The following ERICH3 variants were observed in gnomAD, a reference collection of about 807,000 sequenced individuals.
The protein encoded by ERICH3 is glutamate-rich protein 3.
Under a neutral mutation model 131.1 loss-of-function variants are expected in ERICH3, and 126 were observed. The observed-to-expected ratio is 0.96, with a 90% CI of 0.83 to 1.11. The LOEUF (loss-of-function observed/expected upper bound fraction) is 1.11. ERICH3 is among the 50% of genes most tolerant of loss of function. ERICH3 has a pLI of 0.00. For missense variants in ERICH3, 2,050 were observed against 1,810.7 expected (o/e 1.13, Z -2.40); for synonymous variants, 695 against 644.6 (o/e 1.08, Z -1.18).
chr1:74,594,683 T>G (rs1647766385), intron 11 of ERICH3, among the ~76,000 whole-genome samples: 1 of 152,148 alleles, frequency 6.6e-6, no homozygotes, highest in South Asian at 2.1e-4. Flanking sequence ...ATTGGTTCAC[T>G]CTAACAGTGA....
intron 5 of ERICH3, among the ~76,000 whole-genome samples, chr1:74,641,023 G>A (rs937336038): frequency 1.3e-5 from 2 of 152,104 alleles, no homozygotes; most frequent in African/African-American, 4.8e-5. Context: ...TGTCACCTGA[G>A]AGTCTGAGCT....
In ERICH3 at chr1:74,584,752, G is replaced by A. The variant is rs535520732; in HGVS notation, c.2176+4879C>T. Among the ~76,000 whole-genome samples, 8 of 152,216 alleles carry A rather than the reference G, an allele frequency of 5.3e-5. No homozygotes were observed. In the South Asian group the frequency reaches 1.7e-3, roughly 32 times the overall value. On this transcript the variant is annotated intron_variant, in intron 12 of 14. Transcript: ENST00000326665. ...CTCTCCTAGAATATAAAATTCATGT[G>A]GAAAGGGACTCTTATGTTCACATTG...
At position 74,571,788 on chromosome 1, in the gene ERICH3, C is replaced by T. The variant is rs1260525768; in HGVS notation, c.3922G>A (p.Ala1308Thr). 15 of 1,613,864 alleles carry T rather than the reference C, an allele frequency of 9.3e-6. No homozygotes were observed. Among genetic ancestry groups the T allele is most frequent in the Non-Finnish European group, 1.3e-5 (15 of 1,180,044 alleles). The change falls in exon 14 of 15, where the codon GCG (alanine) becomes ACG (threonine). Residue 1308 changes from alanine to threonine, a missense_variant. Ala to Thr is a moderately conservative substitution (Grantham distance 58). Transcript: ENST00000326665. ...EDKECTLETE[A>T]MQDRNSEGDG... ...CCTTCCGAGTTCCTGTCCTGCATCGCTTCTGTCTCCAGAGTGCACTCTTTG... is the reference window on the plus strand; with the variant it reads ...CCTTCCGAGTTCCTGTCCTGCATCGTTTCTGTCTCCAGAGTGCACTCTTTG...
At position 74,568,159 on chromosome 1, in the gene ERICH3, AAAC is replaced by A. The variant is rs1280343098; in HGVS notation, c.*2296_*2298del. ...TATGTTTTAATAATGAAGAAACAGG[AAAC>A]AAACCATTTCAGGGGAACATACAAG... On this transcript the variant is annotated 3_prime_UTR_variant, in exon 15 of 15. Transcript: ENST00000326665. 6.6e-6 allele frequency: 1 copy of A among 152,170 alleles called. No individual in the cohort carries two copies. Among genetic ancestry groups the A allele is most frequent in the East Asian group, 1.9e-4 (1 of 5,196 alleles). 9.4% of individuals were successfully genotyped at this position (152,170 alleles called of 1,614,324 possible). A position where few individuals can be genotyped will look rare whatever the true frequency, so the allele number is the denominator to read the frequency against.
rs1007779353 is a variant in ERICH3 at position 74,671,381 on chromosome 1, C to G, written c.23+2116G>C. ...CCCTTTGAAGCATATGATCTTTGTA[C>G]CTACTGTCTGTTATTACACCCCCTT... is the stretch of plus-strand genomic sequence containing the variant. On this transcript the variant is annotated intron_variant, in intron 1 of 14. Transcript: ENST00000326665. 2.6e-5 allele frequency among the ~76,000 whole-genome samples: 4 copies of G among 152,114 alleles called. No homozygotes were observed. In the South Asian group the frequency reaches 8.3e-4, roughly 32 times the overall value.
At position 74,642,899 on chromosome 1, in the gene ERICH3, A is replaced by G. The variant is rs1169146349; in HGVS notation, c.315+128T>C. 2.0e-5 allele frequency: 13 copies of G among 651,090 alleles called. No individual in the cohort carries two copies. In the East Asian group the frequency reaches 3.1e-4, roughly 16 times the overall value. The allele number at this position is 651,090 out of a possible 1,614,324, so 40.3% of individuals were successfully genotyped here. On this transcript the variant is annotated intron_variant, in intron 4 of 14. Coordinates refer to ENST00000326665, the MANE Select transcript of ERICH3 (RefSeq NM_001002912.5). ...GGCTAAGATTTAGGCTTGGTGAACCATCATTGACTTCAACTATGTTTTAAC... is the reference window on the plus strand; with the variant it reads ...GGCTAAGATTTAGGCTTGGTGAACCGTCATTGACTTCAACTATGTTTTAAC...
chr1:74,646,673 A>G lies in ERICH3; in HGVS notation c.237T>C (p.Asp79=). 7.4e-7 allele frequency: 1 copy of G among 1,351,784 alleles called. No homozygotes were observed. Among genetic ancestry groups the G allele is most frequent in the Non-Finnish European group, 1.0e-6 (1 of 990,362 alleles). The allele number at this position is 1,351,784 out of a possible 1,614,324, so 83.7% of individuals were successfully genotyped here. A position where few individuals can be genotyped will look rare whatever the true frequency, so the allele number is the denominator to read the frequency against. Residue 79 remains aspartate, a synonymous_variant, in exon 3 of 15, where the codon GAT becomes GAC. Coordinates refer to ENST00000326665, the MANE Select transcript of ERICH3 (RefSeq NM_001002912.5). ...LAQAIFHKVL[D]MERYHQLEIK... ...AATAAGTATATATTTTTACCTCCATATCAAGAACTTTATGAAAAATTGCCT... is the reference window on the plus strand; with the variant it reads ...AATAAGTATATATTTTTACCTCCATGTCAAGAACTTTATGAAAAATTGCCT...
intron 11 of ERICH3, among the ~76,000 whole-genome samples, chr1:74,596,323 TC>T (rs140306141): frequency 0.019 from 2,830 of 152,192 alleles, 74 homozygotes; most frequent in African/African-American, 0.064. Flanking sequence ...GTCTTTTTTT[TC>T]ATTACTAATT....
chr1:74,645,906 C>G (rs1646478835), intron 3 of ERICH3, among the ~76,000 whole-genome samples: 1 of 152,050 alleles, frequency 6.6e-6, no homozygotes, highest in African/African-American at 2.4e-5. Context: ...TTACTGCACT[C>G]ACAGGTCAAT....
Position 74,620,794 on chromosome 1 carries a change from A to G in ERICH3, c.940T>C (p.Tyr314His). The change falls in exon 8 of 15, where the codon TAT (tyrosine) becomes CAT (histidine). Residue 314 changes from tyrosine to histidine, a missense_variant. By Grantham distance (83) the Tyr-to-His change is moderately conservative. Coordinates refer to ENST00000326665, the MANE Select transcript of ERICH3 (RefSeq NM_001002912.5). Reference sequence around the variant, plus strand: ...TTTTCCCCACCACAGTGCTGCTGATAAACTTTAATTTCATCCCGGAAGTCA... The same window carrying G: ...TTTTCCCCACCACAGTGCTGCTGATGAACTTTAATTTCATCCCGGAAGTCA... Reference protein sequence around the residue: ...NPDFRDEIKVYQQHCGGENLC... With the variant: ...NPDFRDEIKVHQQHCGGENLC... The G allele has an allele frequency of 6.2e-7, 1 of 1,613,530 alleles. No homozygotes were observed. The highest frequency in any genetic ancestry group is 1.1e-5 in the South Asian group (1 of 91,014).
chr1:74,584,693 T>C (rs747038065), intron 12 of ERICH3, among the ~76,000 whole-genome samples: 17 of 152,132 alleles, frequency 1.1e-4, no homozygotes, highest in Non-Finnish European at 2.9e-5. Context: ...AGATACCCCA[T>C]CACATGCTTA....
At position 74,589,630 on chromosome 1, in the gene ERICH3, C is replaced by A. The variant is rs746436064; in HGVS notation, c.2176+1G>T. 6.2e-7 allele frequency: 1 copy of A among 1,613,114 alleles called. No individual in the cohort carries two copies. The highest frequency in any genetic ancestry group is 8.5e-7 in the Non-Finnish European group (1 of 1,179,464). On this transcript the variant is annotated splice_donor_variant, in intron 12 of 14. Transcript: ENST00000326665. LOFTEE classifies it high-confidence loss of function. ...CAGCTCAACTCAACGGCCATACTTA[C>A]CACCTTCCTCCAACCCAGGGAGACC...
At chr1:74,611,662 G>A (rs1648702246) in intron 9 of ERICH3, among the ~76,000 whole-genome samples, 1 of 152,080 alleles carries the variant, frequency 6.6e-6, no homozygotes, top group South Asian at 2.1e-4. Context: ...AGCTACCTTA[G>A]ACACAACAAA....
At chr1:74,610,251 C>T (rs765657282) in intron 9 of ERICH3, among the ~76,000 whole-genome samples, 7 of 151,672 alleles carry the variant, frequency 4.6e-5, no homozygotes, top group African/African-American at 7.3e-5. Context: ...ACACTCTTAT[C>T]TCTCTGAAAA....
At chr1:74,622,941 AT>A (rs1649278671) in intron 7 of ERICH3, 1 of 151,940 alleles carries the variant, frequency 6.6e-6, no homozygotes. Flanking sequence ...AACCAAGTAA[AT>A]TTTTTCTAAC....
chr1:74,578,924 C>T (rs1194129065), intron 12 of ERICH3, among the ~76,000 whole-genome samples: 1 of 152,012 alleles, frequency 6.6e-6, no homozygotes, highest in Non-Finnish European at 1.5e-5. Context: ...ATTAGGACGA[C>T]AAACAGAAAT....
chr1:74,653,296 A>T (rs1646554137), intron 1 of ERICH3, among the ~76,000 whole-genome samples: 1 of 152,118 alleles, frequency 6.6e-6, no homozygotes, highest in Admixed American at 6.6e-5. Context: ...GGACACAGAG[A>T]TGGCACAGAC....
chr1:74,619,246 C>T (rs1366895229), intron 8 of ERICH3, among the ~76,000 whole-genome samples: 2 of 152,166 alleles, frequency 1.3e-5, no homozygotes, highest in African/African-American at 4.8e-5. Flanking sequence ...GAGTGTACAT[C>T]ATCTACCAGA....
chr1:74,660,202 G>T (rs977433448), intron 1 of ERICH3, among the ~76,000 whole-genome samples: 3 of 151,912 alleles, frequency 2.0e-5, no homozygotes, highest in Non-Finnish European at 4.4e-5. Context: ...GGACATGTTT[G>T]GTTCCCCTTC....
Sources: allele counts gnomAD v4.1 joint callset (sites outside exome capture counted in the v4.1 genomes callset), GRCh38; gene constraint gnomAD v4.1.1; transcripts MANE v1.5; gene names NCBI Gene and HGNC (gene_info 2026-07-23, HGNC 2026-07-21).